VPS13B: variants seen among roughly 807,000 people sequenced by gnomAD.
VPS13B encodes the protein intermembrane lipid transfer protein VPS13B.
Under a neutral mutation model 426.4 loss-of-function variants are expected in VPS13B, and 285 were observed. The observed-to-expected ratio is 0.67, with a 90% CI of 0.61 to 0.74. The LOEUF is 0.74. Among genes scored for constraint, VPS13B ranks in the 30% least tolerant of loss-of-function variants. The pLI is 0.00. For synonymous variants in VPS13B, 1,676 were observed against 1,676.4 expected (o/e 1.00, Z 0.01); for missense variants, 4,537 against 4,782.6 (o/e 0.95, Z 1.51).
chr8:99,030,640 T>C (rs1842467748), intron 2 of VPS13B, among the ~76,000 whole-genome samples: 1 of 152,178 alleles, frequency 6.6e-6, no homozygotes, highest in Non-Finnish European at 1.5e-5. Flanking sequence ...ATGCGTAAAG[T>C]ATATGATAAT....
intron 40 of VPS13B, among the ~76,000 whole-genome samples, chr8:99,769,840 A>G (rs1811394973): frequency 6.6e-6 from 1 of 152,124 alleles, no homozygotes. Flanking sequence ...GGGAGCCCCC[A>G]GTGCAAATGA....
At chr8:99,572,440 C>G (rs959981467) in intron 31 of VPS13B, among the ~76,000 whole-genome samples, 2 of 151,942 alleles carry the variant, frequency 1.3e-5, no homozygotes, top group African/African-American at 4.8e-5. Context: ...GGGTATATCT[C>G]CTAATGCTTT....
At chr8:99,750,615 G>C (rs1409311572) in intron 39 of VPS13B, among the ~76,000 whole-genome samples, 1 of 152,072 alleles carries the variant, frequency 6.6e-6, no homozygotes, top group Non-Finnish European at 1.5e-5. Flanking sequence ...AGAGGGTTTT[G>C]AACAAAGACA....
chr8:99,379,202 C>T (rs1813659931), intron 19 of VPS13B, among the ~76,000 whole-genome samples: 1 of 152,122 alleles, frequency 6.6e-6, no homozygotes, highest in Non-Finnish European at 1.5e-5. Flanking sequence ...TCCTCCACCC[C>T]CCAAATCCGT....
chr8:99,451,452 G>T (rs1443473648), intron 23 of VPS13B, among the ~76,000 whole-genome samples: 1 of 152,206 alleles, frequency 6.6e-6, no homozygotes, highest in Non-Finnish European at 1.5e-5. Context: ...CTATTGGGAA[G>T]AGTAGTGCAA....
intron 3 of VPS13B, among the ~76,000 whole-genome samples, chr8:99,070,305 A>C (rs953882475): frequency 6.6e-6 from 1 of 152,338 alleles, no homozygotes; most frequent in Admixed American, 6.5e-5. Context: ...AGTACTAAGA[A>C]ATTTTCTATC....
At chr8:99,392,826 C>A (rs549654209) in intron 21 of VPS13B, among the ~76,000 whole-genome samples, 1 of 151,984 alleles carries the variant, frequency 6.6e-6, no homozygotes, top group African/African-American at 2.4e-5. Context: ...CTGTCCATAG[C>A]CACAAGCCTT....
At chr8:99,276,189 G>GAC (rs763168728) in intron 19 of VPS13B, among the ~76,000 whole-genome samples, 7 of 152,082 alleles carry the variant, frequency 4.6e-5, no homozygotes, top group Non-Finnish European at 1.0e-4. Flanking sequence ...TATATACAGG[G>GAC]ACACAAAACA....
chr8:99,245,867 C>A (rs1386280484), intron 17 of VPS13B, among the ~76,000 whole-genome samples: 1 of 152,160 alleles, frequency 6.6e-6, no homozygotes, highest in African/African-American at 2.4e-5. Flanking sequence ...TGAGTATAGA[C>A]AAAGCGGTAT....
chr8:99,625,190 G>T (rs1828558549), intron 33 of VPS13B, among the ~76,000 whole-genome samples: 1 of 151,748 alleles, frequency 6.6e-6, no homozygotes, highest in Non-Finnish European at 1.5e-5. Flanking sequence ...CTTCTGCTAG[G>T]GTAACTATGT....
intron 34 of VPS13B, among the ~76,000 whole-genome samples, chr8:99,647,023 G>A (rs764508782): frequency 5.3e-5 from 8 of 151,854 alleles, no homozygotes; most frequent in Non-Finnish European, 1.0e-4. Flanking sequence ...AACATAACAC[G>A]CATCTCAATA....
intron 19 of VPS13B, among the ~76,000 whole-genome samples, chr8:99,285,427 A>G (rs1418737545): frequency 1.3e-5 from 2 of 152,168 alleles, no homozygotes; most frequent in Non-Finnish European, 2.9e-5. Context: ...TGGTATTCAG[A>G]GTAAATAGTA....
At chr8:99,373,820 C>T (rs1291068886) in intron 19 of VPS13B, among the ~76,000 whole-genome samples, 1 of 152,190 alleles carries the variant, frequency 6.6e-6, no homozygotes, top group Non-Finnish European at 1.5e-5. Flanking sequence ...CCATCCTGGG[C>T]AACAGAGTGA....
At chr8:99,657,851 T>A (rs1788158) in intron 34 of VPS13B, among the ~76,000 whole-genome samples, 20,691 of 152,190 alleles carry the variant, frequency 0.14, 1,960 homozygotes, top group East Asian at 0.39. Flanking sequence ...TTTGATAAAC[T>A]TTCATTGTCA....
chr8:99,561,914 T>C (rs534312010), intron 31 of VPS13B, among the ~76,000 whole-genome samples: 2 of 152,308 alleles, frequency 1.3e-5, no homozygotes, highest in East Asian at 3.9e-4. Context: ...TTTTCACATA[T>C]TTGGGTATAC....
At position 99,818,786 on chromosome 8, in the gene VPS13B, G is replaced by A; in HGVS notation, c.8519G>A (p.Ser2840Asn). ...ATTATCATACATTTGGAGAAAAGGA[G>A]TCTGGGATTGAGTGAAACACAAATT... ...DPIIIHLEKR[S>N]LGLSETQIIP... Residue 2840 changes from serine to asparagine, a missense_variant, in exon 47 of 62, where the codon AGT becomes AAT. By Grantham distance (46) the Ser-to-Asn change is conservative. Transcript: ENST00000357162. 1 of 1,614,046 alleles carries A rather than the reference G, an allele frequency of 6.2e-7. No individual in the cohort carries two copies. Among genetic ancestry groups the A allele is most frequent in the Non-Finnish European group, 8.5e-7 (1 of 1,179,960 alleles).
intron 16 of VPS13B, among the ~76,000 whole-genome samples, chr8:99,184,860 A>G (rs1416542420): frequency 6.6e-6 from 1 of 152,110 alleles, no homozygotes; most frequent in African/African-American, 2.4e-5. Context: ...GTGCAGTGGC[A>G]CGCTCCTGTA....
intron 39 of VPS13B, among the ~76,000 whole-genome samples, chr8:99,759,364 C>CATTAAACTG (rs1810807196): frequency 6.6e-6 from 1 of 152,198 alleles, no homozygotes; most frequent in South Asian, 2.1e-4. Flanking sequence ...TTAAACTATT[C>CATTAAACTG]ATTAAACTGT....
chr8:99,142,395 A>G (rs1037861416), intron 12 of VPS13B, among the ~76,000 whole-genome samples: 2 of 152,182 alleles, frequency 1.3e-5, no homozygotes, highest in African/African-American at 2.4e-5. Context: ...TGGGGCCAAT[A>G]TCTTATTTAG....
Sources: gnomAD v4.1 joint callset for allele counts (sites outside exome capture counted in the v4.1 genomes callset) on GRCh38, gnomAD v4.1.1 for gene constraint, MANE v1.5 for transcripts, NCBI Gene and HGNC (gene_info 2026-07-23, HGNC 2026-07-21) for gene names.